Variants in ADGRF3 observed in about 807,000 individuals in gnomAD.
ADGRF3 encodes G protein-coupled receptor 113.
A neutral mutation model predicts 93.2 loss-of-function variants in ADGRF3; 85 were observed. The observed-to-expected ratio is 0.91, with a 90% confidence interval of 0.77 to 1.09. ADGRF3 has a LOEUF of 1.09. Among genes scored for constraint, ADGRF3 ranks in the 50% least tolerant of loss-of-function variants. ADGRF3 has a pLI of 0.00. For synonymous variants in ADGRF3, 534 were observed against 532.5 expected (o/e 1.00, Z -0.04); for missense variants, 1,125 against 1,246.2 (o/e 0.90, Z 1.46).
chr2:26,314,957 C>T (rs1674525950), intron 5 of ADGRF3, among the ~76,000 whole-genome samples: 1 of 152,222 alleles, frequency 6.6e-6, no homozygotes, highest in African/African-American at 2.4e-5. Context: ...ACGGTATTCT[C>T]CACATTCTCC....
chr2:26,343,033 TA>T (rs1410828951), intron 1 of ADGRF3, among the ~76,000 whole-genome samples: 1 of 152,244 alleles, frequency 6.6e-6, no homozygotes, highest in Non-Finnish European at 1.5e-5. Flanking sequence ...GTAGTGTACA[TA>T]ATTATATGTG....
chr2:26,329,777 A>G (rs980146450), intron 1 of ADGRF3, among the ~76,000 whole-genome samples: 1 of 151,972 alleles, frequency 6.6e-6, no homozygotes, highest in Non-Finnish European at 1.5e-5. Context: ...TCTTCTTTAT[A>G]TTTTCTATTT....
At chr2:26,325,131 C>T (rs1247829819) in intron 1 of ADGRF3, among the ~76,000 whole-genome samples, 1 of 152,132 alleles carries the variant, frequency 6.6e-6, no homozygotes, top group African/African-American at 2.4e-5. Flanking sequence ...GTGGCAGTGG[C>T]CACATCATGG....
At chr2:26,318,808 T>G (rs902505815) in intron 1 of ADGRF3, 1 of 1,274,130 alleles carries the variant, frequency 7.8e-7, no homozygotes, top group African/African-American at 1.5e-5. Context: ...CTCAGAGATC[T>G]CATAACAAAG....
chr2:26,322,640 G>A (rs1675216015), intron 1 of ADGRF3, among the ~76,000 whole-genome samples: 1 of 152,186 alleles, frequency 6.6e-6, no homozygotes, highest in African/African-American at 2.4e-5. Flanking sequence ...AAAGCACTGA[G>A]TTTACCTCAG....
At chr2:26,318,911 G>C (rs759468889) in intron 1 of ADGRF3, 1 of 1,550,984 alleles carries the variant, frequency 6.4e-7, no homozygotes, top group South Asian at 1.2e-5. Flanking sequence ...CCAATCAGGG[G>C]TCCCCATTGT....
At chr2:26,317,783 G>A (rs1001117006) in intron 1 of ADGRF3, among the ~76,000 whole-genome samples, 4 of 152,222 alleles carry the variant, frequency 2.6e-5, no homozygotes, top group Non-Finnish European at 5.9e-5. Flanking sequence ...AACCAGGCAC[G>A]CCCTGGGAAG....
At chr2:26,319,604 TTCC>T (rs1384122872) in intron 1 of ADGRF3, among the ~76,000 whole-genome samples, 2 of 69,302 alleles carry the variant, frequency 2.9e-5, no homozygotes, top group African/African-American at 8.4e-5. Context: ...CCTTCCTTCC[TTCC>T]TTCCTTCCTT....
At position 26,313,032 on chromosome 2, in the gene ADGRF3, A is replaced by G; in HGVS notation, c.1360T>C (p.Ser454Pro). Reference sequence around the variant, plus strand: ...GTGCTCAGCAGGGTCAGTAAGTCGGAGGGTGAACTTGCCTCTGCCGCCTGC... The same window carrying G: ...GTGCTCAGCAGGGTCAGTAAGTCGGGGGGTGAACTTGCCTCTGCCGCCTGC... ...PGQAAEASSP[S>P]DLLTLLSTMK... The change falls in exon 9 of 14, where the codon TCC becomes CCC. Residue 454 changes from serine (S) to proline (P), a missense_variant. Ser to Pro is a moderately conservative substitution (Grantham distance 74, BLOSUM62 -1). Transcript: ENST00000651242. 6.2e-7 allele frequency: 1 copy of G among 1,613,988 alleles called. No individual in the cohort carries two copies. The highest frequency in any genetic ancestry group is 8.5e-7 in the Non-Finnish European group (1 of 1,179,884).
In ADGRF3 at chr2:26,310,109, C is replaced by G. The variant is rs200784902; in HGVS notation, c.2875-4G>C. On this transcript the variant is annotated splice_region_variant and splice_polypyrimidine_tract_variant and intron_variant, in intron 11 of 13. Transcript: ENST00000651242. ...GTTTGCGCAAAGCTTCTTGTATCTG[C>G]GGGAGAGGTAAATGCTCTGCTTATG... 2.5e-6 allele frequency: 4 copies of G among 1,613,892 alleles called. No homozygotes were observed. In the Admixed American group the frequency reaches 6.7e-5, roughly 27 times the overall value.
In ADGRF3 at chr2:26,314,797, A is replaced by G. The variant is rs578039851; in HGVS notation, c.719-174T>C. 65 of 612,974 alleles carry G rather than the reference A, an allele frequency of 1.1e-4. No homozygotes were observed. In the East Asian group the frequency reaches 1.7e-3, roughly 16 times the overall value. The allele number at this position is 612,974 out of a possible 1,614,324, so 38.0% of individuals were successfully genotyped here. ...CTTTGGTGGACATTCCCTGTCCCCAAGAAGGATTTCTAGGAGGTAGAAGAG... is the reference window on the plus strand; with the variant it reads ...CTTTGGTGGACATTCCCTGTCCCCAGGAAGGATTTCTAGGAGGTAGAAGAG... On this transcript the variant is annotated intron_variant, in intron 5 of 13. Coordinates refer to ENST00000651242, the MANE Select transcript of ADGRF3 (RefSeq NM_001321971.2).
chr2:26,317,328 C>T (rs1049134718), intron 2 of ADGRF3, among the ~76,000 whole-genome samples, 168 bp downstream of exon 2: 6 of 152,142 alleles, frequency 3.9e-5, no homozygotes, highest in African/African-American at 9.7e-5. Flanking sequence ...CAGGCCTCTC[C>T]GCTAGAGAAC....
chr2:26,311,568 G>A lies in ADGRF3; in HGVS notation c.1956C>T (p.His652=). The A allele has an allele frequency of 6.2e-7, 1 of 1,613,974 alleles. No individual in the cohort carries two copies. Among genetic ancestry groups the A allele is most frequent in the Non-Finnish European group, 8.5e-7 (1 of 1,179,900 alleles). ...DGSPHCVFWD[H]SLFQGRGGWS... Reference sequence around the variant, plus strand: ...AACCCCCCCTGCCCTGGAAGAGACTGTGATCCCAGAAGACACAGTGAGGGG... The same window carrying A: ...AACCCCCCCTGCCCTGGAAGAGACTATGATCCCAGAAGACACAGTGAGGGG... The change falls in exon 10 of 14, where the codon CAC becomes CAT. Residue 652 remains histidine (H), a synonymous_variant. Transcript: ENST00000651242.
chr2:26,313,743 C>A lies in ADGRF3; in HGVS notation c.1072+17G>T. ...AAGCAGCTGGGACCAGCCCACTGGG[C>A]CCCAGGCCCTGCGTACCCTGGATGA... On this transcript the variant is annotated intron_variant, in intron 7 of 13. Coordinates refer to ENST00000651242, the MANE Select transcript of ADGRF3 (RefSeq NM_001321971.2). 1.9e-6 allele frequency: 3 copies of A among 1,613,026 alleles called. No homozygotes were observed. The highest frequency in any genetic ancestry group is 8.5e-7 in the Non-Finnish European group (1 of 1,179,568).
chr2:26,339,853 G>A (rs1417632928), intron 1 of ADGRF3, among the ~76,000 whole-genome samples: 1 of 152,124 alleles, frequency 6.6e-6, no homozygotes, highest in East Asian at 1.9e-4. Flanking sequence ...CCGCATTCCA[G>A]GTGGATTAGG....
At chr2:26,312,899 C>T (rs1297500227) in intron 9 of ADGRF3, 44 bp downstream of exon 9, 1 of 1,541,444 alleles carries the variant, frequency 6.5e-7, no homozygotes, top group Admixed American at 1.9e-5. Context: ...AGTCTTCAGC[C>T]CCCGACTGCC....
At chr2:26,322,548 A>G (rs760601432) in intron 1 of ADGRF3, among the ~76,000 whole-genome samples, 7 of 152,186 alleles carry the variant, frequency 4.6e-5, no homozygotes, top group East Asian at 1.9e-4. Flanking sequence ...GACTGTTCCT[A>G]TGATTTTAGA....
chr2:26,342,026 T>C (rs746693556), intron 1 of ADGRF3, among the ~76,000 whole-genome samples: 1 of 151,242 alleles, frequency 6.6e-6, no homozygotes, highest in African/African-American at 2.4e-5. Flanking sequence ...TGAGCTGATA[T>C]TGCGCCACTG....
At chr2:26,328,377 T>C (rs1248066326) in intron 1 of ADGRF3, among the ~76,000 whole-genome samples, 3 of 152,214 alleles carry the variant, frequency 2.0e-5, no homozygotes, top group Non-Finnish European at 4.4e-5. Context: ...TCAGCCACTA[T>C]TTCAAATTGT....
Sources: allele counts gnomAD v4.1 joint callset (sites outside exome capture counted in the v4.1 genomes callset), GRCh38; gene constraint gnomAD v4.1.1; transcripts MANE v1.5; gene names NCBI Gene and HGNC (gene_info 2026-07-23, HGNC 2026-07-21).